The following GRID2 variants were observed in gnomAD, a reference collection of about 807,000 sequenced individuals.
The protein encoded by GRID2 is glutamate receptor ionotropic, delta-2.
Under a neutral mutation model 114.8 loss-of-function variants are expected in GRID2, and 33 were observed. That is an observed-to-expected ratio of 0.29 (90% CI 0.22 to 0.38). GRID2 has a LOEUF of 0.38. GRID2 is among the 10% of genes least tolerant of loss of function. GRID2 has a pLI of 1.00. For missense variants in GRID2, 1,184 were observed against 1,257.7 expected, an observed-to-expected ratio of 0.94 and a Z score of 0.89; for synonymous variants, 505 against 449.9, an observed-to-expected ratio of 1.12 and a Z score of -1.55.
intron 14 of GRID2, among the ~76,000 whole-genome samples, chr4:93,698,442 C>T (rs1408335299): frequency 1.3e-5 from 2 of 151,924 alleles, no homozygotes; most frequent in African/African-American, 2.4e-5. Context: ...TTTATAAGTA[C>T]ATGAAAATAA....
intron 2 of GRID2, among the ~76,000 whole-genome samples, chr4:92,921,254 G>GT (rs550687091): frequency 9.6e-4 from 145 of 151,704 alleles, no homozygotes; most frequent in Non-Finnish European, 1.4e-3. Flanking sequence ...ATTTGTTTAA[G>GT]TTTTTTTTAA....
intron 14 of GRID2, among the ~76,000 whole-genome samples, chr4:93,707,153 C>A (rs1728072252): frequency 6.6e-6 from 1 of 152,000 alleles, no homozygotes; most frequent in Admixed American, 6.6e-5. Context: ...GGGATATTGG[C>A]CAGTAGTTTT....
chr4:93,739,033 A>C (rs1199331070), intron 14 of GRID2, among the ~76,000 whole-genome samples: 1 of 152,028 alleles, frequency 6.6e-6, no homozygotes, highest in Non-Finnish European at 1.5e-5. Context: ...CCTAAAAGAG[A>C]GCAGCCATCA....
chr4:92,720,649 A>G (rs1261716212), intron 2 of GRID2, among the ~76,000 whole-genome samples: 1 of 152,132 alleles, frequency 6.6e-6, no homozygotes, highest in East Asian at 1.9e-4. Context: ...AAACATTACA[A>G]TTTAGGATCA....
intron 1 of GRID2, among the ~76,000 whole-genome samples, chr4:92,367,341 A>G (rs2110211778): frequency 6.6e-6 from 1 of 152,208 alleles, no homozygotes; most frequent in East Asian, 1.9e-4. Context: ...TAAAATTGCA[A>G]AATTTTCAGT....
intron 2 of GRID2, among the ~76,000 whole-genome samples, chr4:92,966,954 C>G (rs1200641856): frequency 1.3e-5 from 2 of 151,900 alleles, no homozygotes; most frequent in African/African-American, 4.8e-5. Flanking sequence ...GCACCGTTGT[C>G]ATGATCATTT....
At chr4:92,534,405 T>C (rs1334053511) in intron 1 of GRID2, among the ~76,000 whole-genome samples, 1 of 152,086 alleles carries the variant, frequency 6.6e-6, no homozygotes, top group African/African-American at 2.4e-5. Flanking sequence ...TCTGTGAAAA[T>C]ATAATTATCT....
intron 2 of GRID2, among the ~76,000 whole-genome samples, chr4:92,983,982 G>A (rs1754364350): frequency 6.6e-6 from 1 of 152,152 alleles, no homozygotes; most frequent in Non-Finnish European, 1.5e-5. Context: ...AACTCAACAT[G>A]TAACTTTGGA....
intron 13 of GRID2, among the ~76,000 whole-genome samples, chr4:93,616,138 G>T (rs930029916): frequency 2.0e-5 from 3 of 152,112 alleles, no homozygotes; most frequent in African/African-American, 7.2e-5. Context: ...TAACTGAAAA[G>T]TGATCAAAAA....
rs896967432 is a variant in GRID2, at chr4:93,410,229, T to C, written c.1348-12542T>C. ...AGCTTTTTATTGTTTTTATTTGCTTTTTCCTGTAGCCTGAAAATATGTTCA... is the reference window on the plus strand; with the variant it reads ...AGCTTTTTATTGTTTTTATTTGCTTCTTCCTGTAGCCTGAAAATATGTTCA... On this transcript the variant is annotated intron_variant, in intron 9 of 15. Transcript: ENST00000282020. Among the ~76,000 whole-genome samples the C allele has an allele frequency of 5.9e-5, 9 of 152,318 alleles. No individual in the cohort carries two copies. The East Asian group carries it at 1.7e-3, about 29-fold the overall frequency.
intron 14 of GRID2, among the ~76,000 whole-genome samples, chr4:93,652,180 T>G (rs1211971228): frequency 3.3e-5 from 5 of 152,104 alleles, no homozygotes; most frequent in Non-Finnish European, 7.4e-5. Flanking sequence ...TAATATGACT[T>G]GTGTCTTTAT....
At chr4:93,616,625 TA>T (rs35162120) in intron 13 of GRID2, among the ~76,000 whole-genome samples, 19,168 of 145,080 alleles carry the variant, frequency 0.13, 2,441 homozygotes, top group African/African-American at 0.34. Context: ...AAAATAAATA[TA>T]AAAAAAAGTT....
intron 14 of GRID2, among the ~76,000 whole-genome samples, chr4:93,644,648 C>G (rs529337017): frequency 1.3e-5 from 2 of 152,112 alleles, no homozygotes; most frequent in Non-Finnish European, 2.9e-5. Flanking sequence ...TTAATTTCCT[C>G]TTTTCTGCAT....
At chr4:92,404,019 A>G (rs1730917678) in intron 1 of GRID2, among the ~76,000 whole-genome samples, 1 of 152,220 alleles carries the variant, frequency 6.6e-6, no homozygotes, top group South Asian at 2.1e-4. Context: ...GAAAACATTT[A>G]TGAAATAATC....
chr4:93,131,793 A>G (rs193002854), intron 4 of GRID2, among the ~76,000 whole-genome samples: 31 of 152,230 alleles, frequency 2.0e-4, no homozygotes, highest in African/African-American at 5.8e-4. Context: ...TTCTTACAAG[A>G]TATAAAATTT....
intron 2 of GRID2, among the ~76,000 whole-genome samples, chr4:92,920,976 C>G (rs556009079): frequency 1.3e-5 from 2 of 152,292 alleles, no homozygotes; most frequent in Non-Finnish European, 2.9e-5. Flanking sequence ...CAGTCACTTT[C>G]AGGTACACCA....
At chr4:92,754,801 C>T (rs1455219925) in intron 2 of GRID2, among the ~76,000 whole-genome samples, 1 of 152,018 alleles carries the variant, frequency 6.6e-6, no homozygotes, top group Non-Finnish European at 1.5e-5. Context: ...ATTGGAGATT[C>T]AAAAGAGAAA....
intron 1 of GRID2, among the ~76,000 whole-genome samples, chr4:92,490,245 C>T (rs546752613): frequency 6.6e-5 from 10 of 152,048 alleles, no homozygotes; most frequent in Non-Finnish European, 1.5e-4. Context: ...TAACCTTTAT[C>T]GTATTCAAAA....
intron 1 of GRID2, among the ~76,000 whole-genome samples, chr4:92,494,983 C>T (rs940597444): frequency 1.3e-5 from 2 of 151,632 alleles, no homozygotes; most frequent in African/African-American, 4.8e-5. Context: ...AATTAAAATT[C>T]CAGAATAGAG....
Sources: allele counts gnomAD v4.1 joint callset (sites outside exome capture counted in the v4.1 genomes callset), GRCh38; gene constraint gnomAD v4.1.1; transcripts MANE v1.5; gene names NCBI Gene and HGNC (gene_info 2026-07-23, HGNC 2026-07-21).